PROSER1: variants seen among roughly 807,000 people sequenced by gnomAD.
PROSER1 encodes proline and serine rich 1.
PROSER1 carries 36 observed loss-of-function variants against 71.8 expected under a neutral mutation model. That is an observed-to-expected ratio of 0.50 (90% CI 0.38 to 0.66). The LOEUF (loss-of-function observed/expected upper bound fraction) is 0.66. Among genes scored for constraint, PROSER1 ranks in the 30% least tolerant of loss-of-function variants. The probability of loss-of-function intolerance (pLI) is 0.00; values close to 1 mark genes in which losing one functional copy is unlikely to be tolerated. For synonymous variants in PROSER1, 490 were observed against 452.4 expected (o/e 1.08, Z -1.06); for missense variants, 1,107 against 1,135.0 (o/e 0.98, Z 0.35).
chr13:39,031,767 G>C, intron 2 of PROSER1, 136 bp from the exon 3 acceptor site: 1 of 673,120 alleles, frequency 1.5e-6, no homozygotes, highest in South Asian at 1.9e-5. Context: ...TTTAAAAACT[G>C]TGCTAACAGA....
intron 3 of PROSER1, among the ~76,000 whole-genome samples, chr13:39,029,907 G>A (rs1870755895): frequency 6.6e-6 from 1 of 152,152 alleles, no homozygotes; most frequent in Non-Finnish European, 1.5e-5. Context: ...TTAATTTAAT[G>A]TGCATTGTGA....
chr13:39,012,622 TTGAAA>T, intron 11 of PROSER1, 64 bp downstream of exon 11: 1 of 1,251,816 alleles, frequency 8.0e-7, no homozygotes, highest in Non-Finnish European at 1.1e-6. Context: ...TTTTGATGAC[TTGAAA>T]TGAAATGTGA....
At chr13:39,027,965 G>A (rs1283973167) in intron 5 of PROSER1, among the ~76,000 whole-genome samples, 1 of 152,098 alleles carries the variant, frequency 6.6e-6, no homozygotes, top group Non-Finnish European at 1.5e-5. Flanking sequence ...AAGGTACCAA[G>A]GGACCAAGAC....
chr13:39,022,347 T>C lies in PROSER1; in HGVS notation c.709A>G (p.Thr237Ala). ...NVIAPPPPPY[T>A]PNPVGTENED... ...TTACCTGTTCCTACAGGATTAGGAG[T>C]ATATGGAGGTGGAGGTGGAGCTATG... The change falls in exon 9 of 13, where the codon ACT becomes GCT. Residue 237 changes from threonine to alanine, a missense_variant. Thr to Ala is a moderately conservative substitution (Grantham distance 58). Coordinates refer to ENST00000352251, the MANE Select transcript of PROSER1 (RefSeq NM_025138.5). 5 of 1,610,256 alleles carry C rather than the reference T, an allele frequency of 3.1e-6. No individual in the cohort carries two copies. Among genetic ancestry groups the C allele is most frequent in the Non-Finnish European group, 4.2e-6 (5 of 1,176,724 alleles).
chr13:39,030,333 A>C (rs1391499855), intron 3 of PROSER1, among the ~76,000 whole-genome samples: 1 of 152,208 alleles, frequency 6.6e-6, no homozygotes, highest in African/African-American at 2.4e-5. Context: ...TCAGTGAGAA[A>C]ACAATCAAAT....
chr13:39,035,849 A>G (rs1871076514), intron 1 of PROSER1, among the ~76,000 whole-genome samples: 1 of 152,236 alleles, frequency 6.6e-6, no homozygotes, highest in Non-Finnish European at 1.5e-5. Context: ...TTAATAGACC[A>G]TGACAATGTT....
In PROSER1 at chr13:39,013,153, AAAG is replaced by A. The variant is rs763257972; in HGVS notation, c.2096_2098del (p.Ser699del). The A allele has an allele frequency of 3.7e-6, 6 of 1,614,130 alleles. No homozygotes were observed. Among genetic ancestry groups the A allele is most frequent in the Non-Finnish European group, 5.1e-6 (6 of 1,180,010 alleles). The stretch of plus-strand genomic sequence containing the variant: ...AGGAAAATTGTTGGTCAAAGAAGTA[AAAG>A]AAGGAAGAGCAGTGAATACTGGTGC... On this transcript the variant is annotated inframe_deletion, in exon 11 of 13. Transcript: ENST00000352251.
At chr13:39,027,367 A>C (rs922245483) in intron 5 of PROSER1, among the ~76,000 whole-genome samples, 29 of 152,172 alleles carry the variant, frequency 1.9e-4, no homozygotes, top group African/African-American at 6.8e-4. Flanking sequence ...AGGCTCTTCA[A>C]GTTTACCTTC....
chr13:39,034,013 G>A, intron 2 of PROSER1, 118 bp downstream of exon 2: 2 of 660,134 alleles, frequency 3.0e-6, no homozygotes, highest in Middle Eastern at 4.2e-4. Context: ...AGCTTCTCGA[G>A]TTCTTGAATA....
At chr13:39,029,956 C>T (rs1273255830) in intron 3 of PROSER1, among the ~76,000 whole-genome samples, 1 of 152,158 alleles carries the variant, frequency 6.6e-6, no homozygotes, top group Non-Finnish European at 1.5e-5. Context: ...AATTATTTGA[C>T]TAGAGTACCT....
chr13:39,027,511 T>C (rs1395649641), intron 5 of PROSER1, among the ~76,000 whole-genome samples: 1 of 152,174 alleles, frequency 6.6e-6, no homozygotes, highest in Admixed American at 6.6e-5. Context: ...GTAATATGCA[T>C]GTTGCCTTAA....
At chr13:39,030,817 T>A (rs1870802033) in intron 3 of PROSER1, among the ~76,000 whole-genome samples, 2 of 151,884 alleles carry the variant, frequency 1.3e-5, no homozygotes, top group South Asian at 4.2e-4. Flanking sequence ...GGAGAAACAT[T>A]TTCACCCCCA....
chr13:39,028,210 A>G lies in PROSER1; in HGVS notation c.369+17T>C, dbSNP rs775691346. ...AAAACCAGCGTACCAAGTACATGACAATCTTTAGAAAACTACCTGTTCAAG... is the reference window on the plus strand; with the variant it reads ...AAAACCAGCGTACCAAGTACATGACGATCTTTAGAAAACTACCTGTTCAAG... On this transcript the variant is annotated intron_variant, in intron 5 of 12. Transcript: ENST00000352251. 1.4e-6 allele frequency: 2 copies of G among 1,390,114 alleles called. No individual in the cohort carries two copies. The highest frequency in any genetic ancestry group is 1.7e-5 in the Admixed American group (1 of 58,832). 86.1% of individuals were successfully genotyped at this position (1,390,114 alleles called of 1,614,324 possible). A position where few individuals can be genotyped will look rare whatever the true frequency, so the allele number is the denominator to read the frequency against.
intron 2 of PROSER1, among the ~76,000 whole-genome samples, chr13:39,032,195 T>C (rs944795954): frequency 6.6e-6 from 1 of 152,216 alleles, no homozygotes; most frequent in Non-Finnish European, 1.5e-5. Flanking sequence ...AACTTGAATC[T>C]GGAGGGCATA....
Position 39,012,227 on chromosome 13 carries a change from T to G in PROSER1, c.2568A>C (p.Ser856=). 6.2e-7 allele frequency: 1 copy of G among 1,613,834 alleles called. No homozygotes were observed. Among genetic ancestry groups the G allele is most frequent in the Non-Finnish European group, 8.5e-7 (1 of 1,179,944 alleles). The change falls in exon 12 of 13, where the codon TCA becomes TCC. Residue 856 remains serine (S), a synonymous_variant. Transcript: ENST00000352251. ...NSALVAQAGL[S]SGLQAAGSSV... ...AACTGCCTGCAGCTTGAAGTCCAGA[T>G]GATAAACTAAAACAATTGACAGAAA...
At chr13:39,024,848 C>T (rs1870470849) in intron 6 of PROSER1, among the ~76,000 whole-genome samples, 1 of 152,066 alleles carries the variant, frequency 6.6e-6, no homozygotes, top group Non-Finnish European at 1.5e-5. Context: ...GGTTCTAGGA[C>T]CTCCCCCATA....
intron 7 of PROSER1, chr13:39,023,984 T>G (rs376815966): frequency 6.5e-6 from 1 of 154,702 alleles, no homozygotes; most frequent in Non-Finnish European, 1.4e-5. Flanking sequence ...GTTCTTGTCA[T>G]GTGGACAGGC....
rs1593525169 is a variant in PROSER1, at chr13:39,013,284, A to G, written c.1968T>C (p.Leu656=). Residue 656 remains leucine, a synonymous_variant, in exon 11 of 13, where the codon CTT becomes CTC. Coordinates refer to ENST00000352251, the MANE Select transcript of PROSER1 (RefSeq NM_025138.5). ...TGGAGAGACCTGACAATGCAGGATT[A>G]AGGCAAGCAGATAAACTGATGGGCA... is the stretch of plus-strand genomic sequence containing the variant. ...TSVPISLSAC[L]NPALSGLSSL... The G allele has an allele frequency of 6.2e-7, 1 of 1,614,204 alleles. No individual in the cohort carries two copies. Among genetic ancestry groups the G allele is most frequent in the African/African-American group, 1.3e-5 (1 of 75,066 alleles).
Position 39,014,108 on chromosome 13 carries a change from G to GGGTAGGAGTGGCTGC in PROSER1, c.1129_1143dup (p.Ala377_Thr381dup), listed in dbSNP as rs746688397. On this transcript the variant is annotated inframe_insertion, in exon 11 of 13. Coordinates refer to ENST00000352251, the MANE Select transcript of PROSER1 (RefSeq NM_025138.5). Reference sequence around the variant, plus strand: ...AGAGTGGACCGTGGTGTAGGTCCTGGGGTAGGAGTGGCTGCGGTAGGAGTG... The same window carrying GGGTAGGAGTGGCTGC: ...AGAGTGGACCGTGGTGTAGGTCCTGGGGTAGGAGTGGCTGCGGTAGGAGTGGCTGCGGTAGGAGTG... The GGGTAGGAGTGGCTGC allele has an allele frequency of 3.7e-6, 6 of 1,613,962 alleles. No homozygotes were observed. The highest frequency in any genetic ancestry group is 1.3e-5 in the African/African-American group (1 of 75,012).
Sources: gnomAD v4.1 joint callset for allele counts (sites outside exome capture counted in the v4.1 genomes callset) on GRCh38, gnomAD v4.1.1 for gene constraint, MANE v1.5 for transcripts, NCBI Gene and HGNC (gene_info 2026-07-23, HGNC 2026-07-21) for gene names.